COG5: variants seen among roughly 807,000 people sequenced by gnomAD.
The protein encoded by COG5 is component of oligomeric golgi complex 5.
In COG5, 86 loss-of-function variants were observed where a neutral mutation model predicts 110.4. That is an observed-to-expected ratio of 0.78 (90% CI 0.65 to 0.93). The LOEUF (loss-of-function observed/expected upper bound fraction) is 0.93. Ranked by LOEUF, COG5 falls within the 40% of genes least tolerant of loss-of-function variation. The probability of loss-of-function intolerance (pLI) is 0.00; values close to 1 mark genes in which losing one functional copy is unlikely to be tolerated. For missense variants in COG5, 1,077 were observed against 987.0 expected (o/e 1.09, Z -1.22); for synonymous variants, 360 against 334.6 (o/e 1.08, Z -0.83).
intron 10 of COG5, among the ~76,000 whole-genome samples, chr7:107,338,227 T>A (rs1426377050): frequency 6.6e-6 from 1 of 152,128 alleles, no homozygotes; most frequent in Non-Finnish European, 1.5e-5. Context: ...AGTGGTCTCA[T>A]ACATTCTGAC....
At chr7:107,289,278 C>T (rs781569030) in intron 12 of COG5, among the ~76,000 whole-genome samples, 1 of 152,024 alleles carries the variant, frequency 6.6e-6, no homozygotes, top group African/African-American at 2.4e-5. Flanking sequence ...AATTCTTTCT[C>T]GATTGAAAGA....
chr7:107,310,481 G>A lies in COG5; in HGVS notation c.1109-12135C>T, dbSNP rs1808126392. On this transcript the variant is annotated intron_variant, in intron 11 of 21. Transcript: ENST00000297135. ...AACACAAGTGTTCTGTACAACTTGG[G>A]GAATTCACAAAATGCTAAAATAAAA... 2.0e-5 allele frequency among the ~76,000 whole-genome samples: 3 copies of A among 152,100 alleles called. No individual in the cohort carries two copies. In the South Asian group the frequency reaches 6.2e-4, roughly 32 times the overall value.
chr7:107,541,744 A>G (rs1213759232), intron 5 of COG5, among the ~76,000 whole-genome samples: 4 of 150,968 alleles, frequency 2.6e-5, no homozygotes, highest in African/African-American at 9.7e-5. Context: ...CAGCCTGGCC[A>G]ATATGTTGAA....
chr7:107,541,434 T>C (rs562767107), intron 5 of COG5, among the ~76,000 whole-genome samples: 15 of 134,828 alleles, frequency 1.1e-4, no homozygotes, highest in African/African-American at 2.6e-4. Context: ...GAGGAAGAGA[T>C]TGCAGTGGGT....
intron 13 of COG5, among the ~76,000 whole-genome samples, chr7:107,283,116 C>A (rs1805317957): frequency 6.6e-6 from 1 of 152,158 alleles, no homozygotes; most frequent in Admixed American, 6.5e-5. Context: ...AAAGCTGTCA[C>A]ATTCACTTAA....
At chr7:107,415,529 A>T in intron 6 of COG5, among the ~76,000 whole-genome samples, 1 of 152,156 alleles carries the variant, frequency 6.6e-6, no homozygotes, top group East Asian at 1.9e-4. Flanking sequence ...ACCAAAAATT[A>T]AAATAAGGTG....
At chr7:107,225,237 C>T (rs549097903) in intron 19 of COG5, among the ~76,000 whole-genome samples, 1 of 152,272 alleles carries the variant, frequency 6.6e-6, no homozygotes, top group African/African-American at 2.4e-5. Flanking sequence ...GTTTGGCTGC[C>T]TGTTTTTCTT....
chr7:107,318,060 G>A (rs11769901), intron 11 of COG5, among the ~76,000 whole-genome samples: 24,661 of 151,586 alleles, frequency 0.16, 2,382 homozygotes, highest in Non-Finnish European at 0.22. Context: ...ACAGAGGTTC[G>A]CTCTGTTGCC....
chr7:107,202,804 A>G lies in COG5; in HGVS notation c.*712T>C, dbSNP rs1365684641. 1 of 152,182 alleles carries G rather than the reference A, an allele frequency of 6.6e-6. No homozygotes were observed. Among genetic ancestry groups the G allele is most frequent in the Non-Finnish European group, 1.5e-5 (1 of 68,032 alleles). The allele number at this position is 152,182 out of a possible 1,614,324, so 9.4% of individuals were successfully genotyped here. A position where few individuals can be genotyped will look rare whatever the true frequency, so the allele number is the denominator to read the frequency against. On this transcript the variant is annotated 3_prime_UTR_variant, in exon 22 of 22. Transcript: ENST00000297135. ...CACGTGGCATTTTTGTTACACGGTTAAACAGCCCAAAGGTCTGCTTTTAAT... is the reference window on the plus strand; with the variant it reads ...CACGTGGCATTTTTGTTACACGGTTGAACAGCCCAAAGGTCTGCTTTTAAT...
chr7:107,308,017 CTTTG>C (rs1417912289), intron 11 of COG5, among the ~76,000 whole-genome samples: 3 of 152,094 alleles, frequency 2.0e-5, no homozygotes, highest in African/African-American at 4.8e-5. Context: ...TTTTTTAATG[CTTTG>C]TTTGATTTAG....
chr7:107,248,501 T>TAAAAAAAAAAAAAA lies in COG5; in HGVS notation c.1750-3_1750-2insTTTTTTTTTTTTTT. On this transcript the variant is annotated splice_region_variant and splice_polypyrimidine_tract_variant and intron_variant, in intron 16 of 21. Coordinates refer to ENST00000297135, the MANE Select transcript of COG5 (RefSeq NM_006348.5). Reference sequence around the variant, plus strand: ...ATTTTCCATAAGAGCATGAATAGCCTAAAAAAAAAAAAGAAAGAAAAAAAA... The same window carrying TAAAAAAAAAAAAAA: ...ATTTTCCATAAGAGCATGAATAGCCTAAAAAAAAAAAAAAAAAAAAAAAAAAGAAAGAAAAAAAA... 2.4e-6 allele frequency: 3 copies of TAAAAAAAAAAAAAA among 1,268,806 alleles called. No individual in the cohort carries two copies. Among genetic ancestry groups the TAAAAAAAAAAAAAA allele is most frequent in the Non-Finnish European group, 3.2e-6 (3 of 929,410 alleles). 78.6% of individuals were successfully genotyped at this position (1,268,806 alleles called of 1,614,324 possible). A position where few individuals can be genotyped will look rare whatever the true frequency, so the allele number is the denominator to read the frequency against.
chr7:107,341,096 C>G (rs1440835699), intron 10 of COG5, among the ~76,000 whole-genome samples: 1 of 152,006 alleles, frequency 6.6e-6, no homozygotes, highest in Non-Finnish European at 1.5e-5. Context: ...ATTATGCCTT[C>G]TCTGACAATA....
chr7:107,328,883 T>C (rs1331999066), intron 10 of COG5, among the ~76,000 whole-genome samples: 1 of 152,132 alleles, frequency 6.6e-6, no homozygotes, highest in East Asian at 1.9e-4. Context: ...TGCAGTGGTG[T>C]GATCTTGGCT....
intron 10 of COG5, among the ~76,000 whole-genome samples, chr7:107,359,128 C>A (rs1344103226): frequency 6.6e-6 from 1 of 152,194 alleles, no homozygotes; most frequent in Non-Finnish European, 1.5e-5. Flanking sequence ...TGCCCAGCCA[C>A]AGCTGTGGAC....
intron 6 of COG5, among the ~76,000 whole-genome samples, chr7:107,473,230 T>G (rs1279070626): frequency 6.6e-6 from 1 of 151,944 alleles, no homozygotes; most frequent in Non-Finnish European, 1.5e-5. Context: ...TTTCTTAATG[T>G]GATATTAAAT....
chr7:107,247,424 A>G (rs1779667166), intron 17 of COG5, among the ~76,000 whole-genome samples: 1 of 152,238 alleles, frequency 6.6e-6, no homozygotes, highest in Non-Finnish European at 1.5e-5. Context: ...AAGTTGAAAA[A>G]GTAGAGGACA....
At chr7:107,271,644 C>A (rs1288869244) in intron 14 of COG5, among the ~76,000 whole-genome samples, 1 of 151,910 alleles carries the variant, frequency 6.6e-6, no homozygotes, top group African/African-American at 2.4e-5. Flanking sequence ...TTCAGTGATA[C>A]CTTGTATACA....
At chr7:107,212,939 G>A (rs1799280673) in intron 19 of COG5, among the ~76,000 whole-genome samples, 1 of 152,204 alleles carries the variant, frequency 6.6e-6, no homozygotes, top group African/African-American at 2.4e-5. Context: ...TGAAAGTAGA[G>A]ATCTAGCTTC....
intron 6 of COG5, among the ~76,000 whole-genome samples, chr7:107,449,025 C>T (rs1299509581): frequency 6.6e-6 from 1 of 152,032 alleles, no homozygotes; most frequent in Admixed American, 6.6e-5. Context: ...AAAATGTAAA[C>T]AAACATAAAG....
Sources: gnomAD v4.1 joint callset for allele counts (sites outside exome capture counted in the v4.1 genomes callset) on GRCh38, gnomAD v4.1.1 for gene constraint, MANE v1.5 for transcripts, NCBI Gene and HGNC (gene_info 2026-07-23, HGNC 2026-07-21) for gene names.